CCND3: variants seen among roughly 807,000 people sequenced by gnomAD.
The protein encoded by CCND3 is G1/S-specific cyclin-D3.
In CCND3, 9 loss-of-function variants were observed where a neutral mutation model predicts 28.7. The observed-to-expected ratio is 0.31, with a 90% CI of 0.19 to 0.55. The LOEUF (loss-of-function observed/expected upper bound fraction) is 0.55. CCND3 is among the 20% of genes least tolerant of loss of function. The pLI is 0.93. For synonymous variants in CCND3, 164 were observed against 163.9 expected (o/e 1.00, Z 0.00); for missense variants, 315 against 385.8 (o/e 0.82, Z 1.54).
At position 41,935,167 on chromosome 6, in the gene CCND3, A is replaced by C. The variant is rs1369427521; in HGVS notation, c.*773T>G. Reference sequence around the variant, plus strand: ...AGGGCATGACCCCACCCCAGGCTATAGCAGCTCCTTGGCCACAAAGATCCT... The same window carrying C: ...AGGGCATGACCCCACCCCAGGCTATCGCAGCTCCTTGGCCACAAAGATCCT... On this transcript the variant is annotated 3_prime_UTR_variant, in exon 5 of 5. Coordinates refer to ENST00000372991, the MANE Select transcript of CCND3 (RefSeq NM_001760.5). 4.3e-6 allele frequency: 1 copy of C among 233,324 alleles called. No homozygotes were observed. The highest frequency in any genetic ancestry group is 6.0e-5 in the East Asian group (1 of 16,608). The allele number at this position is 233,324 out of a possible 1,614,324, so 14.5% of individuals were successfully genotyped here.
At chr6:41,954,420 G>A (rs1776391172) in intron 1 of CCND3, among the ~76,000 whole-genome samples, 2 of 151,242 alleles carry the variant, frequency 1.3e-5, no homozygotes, top group South Asian at 2.1e-4. Flanking sequence ...GTGTTGTGGC[G>A]TGCGCCTGTA....
intron 1 of CCND3, among the ~76,000 whole-genome samples, chr6:41,951,063 T>C (rs1161834123): frequency 6.6e-6 from 1 of 151,926 alleles, no homozygotes; most frequent in African/African-American, 2.4e-5. Context: ...TGATCCTCCA[T>C]GATGCAGGAA....
At chr6:41,943,108 G>A (rs980450931), upstream of CCND3, among the ~76,000 whole-genome samples, 8 of 151,874 alleles carry the variant, frequency 5.3e-5, no homozygotes, top group South Asian at 8.3e-4. Flanking sequence ...GTGATCCGCC[G>A]GTCTCGGCCT....
At chr6:41,976,557 G>T (rs760630750) in intron 1 of CCND3, among the ~76,000 whole-genome samples, 3 of 152,198 alleles carry the variant, frequency 2.0e-5, no homozygotes, top group Non-Finnish European at 4.4e-5. Context: ...GGGACTTGAA[G>T]CGGGAGGATT....
chr6:41,955,765 G>C lies in CCND3; in HGVS notation c.-45-15180C>G, dbSNP rs1368802771. Among the ~76,000 whole-genome samples the C allele has an allele frequency of 2.6e-5, 4 of 151,536 alleles. 1 individual carries two copies. The highest frequency in any genetic ancestry group is 2.6e-4 in the Admixed American group (4 of 15,188). ...GAAACCAGCCTGGGCAACAAAGTAA[G>C]ACCCTGTCTCTACAAAAAAAAATTA... On this transcript the variant is annotated intron_variant, in intron 1 of 4. Coordinates refer to the CCND3 transcript ENST00000372988.
intron 1 of CCND3, among the ~76,000 whole-genome samples, chr6:42,033,577 G>C (rs1385541060): frequency 1.3e-5 from 2 of 151,908 alleles, no homozygotes; most frequent in Non-Finnish European, 2.9e-5. Flanking sequence ...GCTGGGTGCA[G>C]TGGCTAACAC....
chr6:42,037,382 C>G (rs1319812559), intron 1 of CCND3, among the ~76,000 whole-genome samples: 1 of 152,018 alleles, frequency 6.6e-6, no homozygotes. Flanking sequence ...GGACTACAGG[C>G]ATGCACGACC....
At chr6:41,969,230 T>C (rs1184519518) in intron 1 of CCND3, among the ~76,000 whole-genome samples, 1 of 151,458 alleles carries the variant, frequency 6.6e-6, no homozygotes, top group African/African-American at 2.4e-5. Flanking sequence ...AGATCAAGAC[T>C]GGGCCAGGCA....
chr6:42,003,162 C>CAAAAAA (rs55721061), intron 1 of CCND3, among the ~76,000 whole-genome samples: 2 of 110,348 alleles, frequency 1.8e-5, no homozygotes, highest in African/African-American at 6.8e-5. Context: ...AACAGCGTGT[C>CAAAAAA]AAAAAAAAAA....
intron 1 of CCND3, among the ~76,000 whole-genome samples, chr6:42,006,177 A>T (rs978485993): frequency 8.6e-5 from 13 of 151,520 alleles, no homozygotes; most frequent in Non-Finnish European, 8.8e-5. Context: ...AAATAATAAT[A>T]ATAATTATTA....
chr6:41,969,295 C>T (rs368539937), intron 1 of CCND3, among the ~76,000 whole-genome samples: 2 of 152,058 alleles, frequency 1.3e-5, no homozygotes, highest in African/African-American at 2.4e-5. Flanking sequence ...GGGCGGATCA[C>T]GAGGTCAAGA....
chr6:41,962,895 C>T (rs774934164), intron 1 of CCND3, among the ~76,000 whole-genome samples: 4 of 152,172 alleles, frequency 2.6e-5, no homozygotes, highest in East Asian at 1.9e-4. Context: ...GGACTACAGG[C>T]GCGTGCCACC....
At chr6:41,961,392 C>A (rs1258970080) in intron 1 of CCND3, among the ~76,000 whole-genome samples, 2 of 152,004 alleles carry the variant, frequency 1.3e-5, no homozygotes, top group Non-Finnish European at 1.5e-5. Context: ...CATGGTGAAA[C>A]CTTATCTCTA....
chr6:41,953,614 CCTCT>C (rs1776368820), intron 1 of CCND3, among the ~76,000 whole-genome samples: 1 of 152,062 alleles, frequency 6.6e-6, no homozygotes, highest in South Asian at 2.1e-4. Flanking sequence ...ACCACTCCAG[CCTCT>C]CTGTTGTGAA....
At chr6:42,047,994 T>C (rs1034163923) in intron 1 of CCND3, 1 of 152,930 alleles carries the variant, frequency 6.5e-6, no homozygotes, top group Non-Finnish European at 1.5e-5. Context: ...AATAACTTAA[T>C]GCTCCCTTAG....
intron 1 of CCND3, among the ~76,000 whole-genome samples, chr6:42,046,267 C>T (rs755243194): frequency 2.2e-4 from 34 of 152,172 alleles, no homozygotes; most frequent in Non-Finnish European, 4.3e-4. Context: ...CCCGTGCTCT[C>T]GCTTGCATCA....
chr6:41,946,594 T>G (rs1442034320), upstream of CCND3, among the ~76,000 whole-genome samples: 1 of 5,862 alleles, frequency 1.7e-4, no homozygotes, highest in African/African-American at 9.2e-4. Context: ...GAGACCTGTC[T>G]CAAAAAAAAA....
intron 1 of CCND3, among the ~76,000 whole-genome samples, chr6:42,028,353 C>T (rs111706664): frequency 0.01 from 1,564 of 152,264 alleles, 27 homozygotes; most frequent in African/African-American, 0.034. Flanking sequence ...GTGGGTTCGG[C>T]GATGGCCATG....
At chr6:42,023,831 T>C (rs1214271165) in intron 1 of CCND3, among the ~76,000 whole-genome samples, 3 of 152,210 alleles carry the variant, frequency 2.0e-5, no homozygotes, top group Non-Finnish European at 4.4e-5. Flanking sequence ...ACGTTAAGAC[T>C]GACTCTGAAG....
Sources: gnomAD v4.1 joint callset for allele counts (sites outside exome capture counted in the v4.1 genomes callset) on GRCh38, gnomAD v4.1.1 for gene constraint, MANE v1.5 for transcripts, NCBI Gene and HGNC (gene_info 2026-07-23, HGNC 2026-07-21) for gene names.